GNL1: variants seen among roughly 807,000 people sequenced by gnomAD.
GNL1 encodes G protein nucleolar 1, also known as guanine nucleotide-binding protein-like 1.
A neutral mutation model predicts 75.2 loss-of-function variants in GNL1; 21 were observed. That is an observed-to-expected ratio of 0.28 (90% CI 0.20 to 0.40). The LOEUF (loss-of-function observed/expected upper bound fraction) is 0.40. Among genes scored for constraint, GNL1 ranks in the 10% least tolerant of loss-of-function variants. The pLI is 1.00. For synonymous variants in GNL1, 287 were observed against 303.4 expected, an observed-to-expected ratio of 0.95 and a Z score of 0.56; for missense variants, 579 against 775.0, an observed-to-expected ratio of 0.75 and a Z score of 3.00.
chr6:30,552,442 C>G lies in GNL1; in HGVS notation c.1099+25G>C. 6.3e-7 allele frequency: 1 copy of G among 1,591,866 alleles called. No individual in the cohort carries two copies. The highest frequency in any genetic ancestry group is 8.6e-7 in the Non-Finnish European group (1 of 1,163,128). On this transcript the variant is annotated intron_variant, in intron 8 of 11. Transcript: ENST00000376621. The surrounding 1 kb of genome is among the most constrained non-coding windows in gnomAD (Gnocchi z 4.5). ...AACTCTGTACCTCCTTGGAGGCCAC[C>G]ACGCACAAGCTGCCACTTCCTTACC...
Position 30,546,300 on chromosome 6 carries a change from G to A in GNL1, c.1596C>T (p.Ser532=). The A allele has an allele frequency of 1.3e-6, 2 of 1,593,172 alleles. No homozygotes were observed. The highest frequency in any genetic ancestry group is 1.7e-6 in the Non-Finnish European group (2 of 1,170,632). ...CCACCAGCTCCGTGGTCTCTGGATGGGACTCCCAGGTGCCTGGGGAACCAA... is the reference window on the plus strand; with the variant it reads ...CCACCAGCTCCGTGGTCTCTGGATGAGACTCCCAGGTGCCTGGGGAACCAA... ...GYSEQKGTWE[S]HPETTELVVL... is the part of the protein sequence containing the mutation. The change falls in exon 12 of 12, where the codon TCC becomes TCT. Residue 532 remains serine, a synonymous_variant. Coordinates refer to ENST00000376621, the MANE Select transcript of GNL1 (RefSeq NM_005275.5). The surrounding 1 kb of genome is among the most constrained non-coding windows in gnomAD (Gnocchi z 5.1).
Position 30,556,475 on chromosome 6 carries a change from C to T in GNL1, c.-272G>A, listed in dbSNP as rs1800208877. On this transcript the variant is annotated 5_prime_UTR_variant, in exon 1 of 12. Coordinates refer to ENST00000376621, the MANE Select transcript of GNL1 (RefSeq NM_005275.5). The surrounding 1 kb of genome is among the most constrained non-coding windows in gnomAD (Gnocchi z 5.7). ...GAGCCAGTGGCACCGAGAGGGCGCC[C>T]CGGCGGCGAGGAAGGAGGCGCGCGT... The T allele has an allele frequency of 3.6e-6, 2 of 556,150 alleles. No individual in the cohort carries two copies. The highest frequency in any genetic ancestry group is 6.4e-6 in the Non-Finnish European group (2 of 311,744). 34.5% of individuals were successfully genotyped at this position (556,150 alleles called of 1,614,324 possible). A position where few individuals can be genotyped will look rare whatever the true frequency, so the allele number is the denominator to read the frequency against.
chr6:30,555,975 G>A lies in GNL1; in HGVS notation c.73+156C>T. The A allele has an allele frequency of 2.1e-6, 2 of 955,018 alleles. No homozygotes were observed. The highest frequency in any genetic ancestry group is 3.2e-6 in the Non-Finnish European group (2 of 629,916). The allele number at this position is 955,018 out of a possible 1,614,324, so 59.2% of individuals were successfully genotyped here. A position where few individuals can be genotyped will look rare whatever the true frequency, so the allele number is the denominator to read the frequency against. ...CCATCCTTCCCCACCCCTTCCAGAT[G>A]TAGGGGGGGTGGGGGATCCCCTCCG... On this transcript the variant is annotated intron_variant, in intron 1 of 11. Transcript: ENST00000376621. The surrounding 1 kb of genome is among the most constrained non-coding windows in gnomAD (Gnocchi z 4.3).
intron 8 of GNL1, among the ~76,000 whole-genome samples, chr6:30,550,744 G>C (rs969321125): frequency 9.2e-5 from 14 of 152,094 alleles, no homozygotes; most frequent in Non-Finnish European, 8.8e-5. Context: ...CATGATGTGG[G>C]CCCTGGTGAT....
intron 3 of GNL1, 64 bp from the exon 4 acceptor site, chr6:30,554,979 C>G: frequency 1.9e-6 from 3 of 1,608,024 alleles, no homozygotes; most frequent in Admixed American, 1.7e-5. Context: ...ACATCCCAGA[C>G]CCCTCCTTCC....
Position 30,556,426 on chromosome 6 carries a change from G to A in GNL1, c.-223C>T, listed in dbSNP as rs1183169041. 2 of 597,822 alleles carry A rather than the reference G, an allele frequency of 3.3e-6. No individual in the cohort carries two copies. The highest frequency in any genetic ancestry group is 5.9e-6 in the Non-Finnish European group (2 of 338,698). The allele number at this position is 597,822 out of a possible 1,614,324, so 37.0% of individuals were successfully genotyped here. On this transcript the variant is annotated 5_prime_UTR_variant, in exon 1 of 12. Coordinates refer to ENST00000376621, the MANE Select transcript of GNL1 (RefSeq NM_005275.5). The surrounding 1 kb of genome is among the most constrained non-coding windows in gnomAD (Gnocchi z 5.7). The stretch of plus-strand genomic sequence containing the variant: ...TCCAGGAGCGAGGCGAGAGGATGAT[G>A]CGGGGTGGGCTACTGGCACGTGAGA...
chr6:30,555,940 C>T lies in GNL1; in HGVS notation c.73+191G>A. The T allele has an allele frequency of 2.4e-6, 2 of 825,774 alleles. No individual in the cohort carries two copies. Among genetic ancestry groups the T allele is most frequent in the South Asian group, 1.7e-5 (1 of 60,500 alleles). 51.2% of individuals were successfully genotyped at this position (825,774 alleles called of 1,614,324 possible). ...CGTGCTAGCTGGAGGGATTCCCCTCCCCCAACTCTCCATCCTTCCCCACCC... is the reference window on the plus strand; with the variant it reads ...CGTGCTAGCTGGAGGGATTCCCCTCTCCCAACTCTCCATCCTTCCCCACCC... On this transcript the variant is annotated intron_variant, in intron 1 of 11. Transcript: ENST00000376621. This position sits in a 1 kb window ranked among gnomAD's most constrained non-coding sequence, Gnocchi z 4.3.
intron 5 of GNL1, 134 bp downstream of exon 5, chr6:30,554,441 G>A (rs748259267): frequency 7.1e-6 from 5 of 707,694 alleles, no homozygotes; most frequent in East Asian, 2.5e-5. Flanking sequence ...TCCTAACTGC[G>A]GACATCAGCA....
At position 30,545,786 on chromosome 6, in the gene GNL1, A is replaced by G; in HGVS notation, c.*286T>C. 2.3e-6 allele frequency: 1 copy of G among 443,942 alleles called. No individual in the cohort carries two copies. Among genetic ancestry groups the G allele is most frequent in the Non-Finnish European group, 4.0e-6 (1 of 252,466 alleles). The allele number at this position is 443,942 out of a possible 1,614,324, so 27.5% of individuals were successfully genotyped here. A position where few individuals can be genotyped will look rare whatever the true frequency, so the allele number is the denominator to read the frequency against. ...GTAGATAACGGGATTCCTAAGGTGC[A>G]GAGTGGGAGAATGGGTAGAGGAAGC... is the stretch of plus-strand genomic sequence containing the variant. On this transcript the variant is annotated 3_prime_UTR_variant, in exon 12 of 12. Transcript: ENST00000376621.
rs944615700 is a variant in GNL1 at position 30,542,288 on chromosome 6, CCCTT to C, written c.*3780_*3783del. 6 of 151,614 alleles carry C rather than the reference CCCTT, an allele frequency of 4.0e-5. No individual in the cohort carries two copies. Among genetic ancestry groups the C allele is most frequent in the African/African-American group, 7.3e-5 (3 of 41,150 alleles). 9.4% of individuals were successfully genotyped at this position (151,614 alleles called of 1,614,324 possible). A position where few individuals can be genotyped will look rare whatever the true frequency, so the allele number is the denominator to read the frequency against. On this transcript the variant is annotated 3_prime_UTR_variant, in exon 12 of 12. Coordinates refer to ENST00000376621, the MANE Select transcript of GNL1 (RefSeq NM_005275.5). The surrounding 1 kb of genome is among the most constrained non-coding windows in gnomAD (Gnocchi z 4.5). ...CACCCATCAGCAGCGTTCCACGCCGCCCTTCCTTCCTTCCTTCCTCCCCTAGCTT... is the reference window on the plus strand; with the variant it reads ...CACCCATCAGCAGCGTTCCACGCCGCCCTTCCTTCCTTCCTCCCCTAGCTT...
chr6:30,555,566 G>A lies in GNL1; in HGVS notation c.228C>T (p.Tyr76=), dbSNP rs758432082. 10 of 1,613,062 alleles carry A rather than the reference G, an allele frequency of 6.2e-6. No homozygotes were observed. In the East Asian group the frequency reaches 1.8e-4, roughly 29 times the overall value. ...CCTCCCACCCTCACCGATTTGGGTC[G>A]TAGCCTCGTGGACCCAGCCCCTGAG... ...QPSQGLGPRG[Y]DPNRYRLHFE... The change falls in exon 2 of 12, where the codon TAC becomes TAT. Residue 76 remains tyrosine (Y), a synonymous_variant. Coordinates refer to ENST00000376621, the MANE Select transcript of GNL1 (RefSeq NM_005275.5). This position sits in a 1 kb window ranked among gnomAD's most constrained non-coding sequence, Gnocchi z 4.3.
intron 8 of GNL1, among the ~76,000 whole-genome samples, chr6:30,551,305 G>C (rs1436840335): frequency 6.6e-6 from 1 of 152,148 alleles, no homozygotes; most frequent in Admixed American, 6.5e-5. Flanking sequence ...AGTCAGGGAA[G>C]GGACAGCCGG....
Position 30,546,333 on chromosome 6 carries a change from A to G in GNL1, c.1583-20T>C, listed in dbSNP as rs770759412. On this transcript the variant is annotated intron_variant, in intron 11 of 11. Transcript: ENST00000376621. The surrounding 1 kb of genome is among the most constrained non-coding windows in gnomAD (Gnocchi z 5.1). ...AGGTGCCTGGGGAACCAAAACAAGAAAAAAATGGAGGAGAGTTTTGAGCAA... is the reference window on the plus strand; with the variant it reads ...AGGTGCCTGGGGAACCAAAACAAGAGAAAAATGGAGGAGAGTTTTGAGCAA... The G allele has an allele frequency of 2.6e-6, 4 of 1,536,536 alleles. No individual in the cohort carries two copies. In the Admixed American group the frequency reaches 7.2e-5, roughly 28 times the overall value.
intron 8 of GNL1, among the ~76,000 whole-genome samples, chr6:30,550,749 G>A (rs114841294): frequency 6.2e-4 from 95 of 152,256 alleles, no homozygotes; most frequent in Non-Finnish European, 1.1e-3. Flanking sequence ...TGTGGGCCCT[G>A]GTGATCTTGC....
rs1305802616 is a variant in GNL1 at position 30,553,576 on chromosome 6, G to A, written c.601-19C>T. 6.4e-7 allele frequency: 1 copy of A among 1,573,994 alleles called. No homozygotes were observed. Among genetic ancestry groups the A allele is most frequent in the Admixed American group, 1.7e-5 (1 of 59,976 alleles). ...TCACAACCTAGGACAGAGTTGATAAGAGGATGGAGCAGTGAAAGTCAACCC... is the reference window on the plus strand; with the variant it reads ...TCACAACCTAGGACAGAGTTGATAAAAGGATGGAGCAGTGAAAGTCAACCC... On this transcript the variant is annotated intron_variant, in intron 5 of 11. Coordinates refer to ENST00000376621, the MANE Select transcript of GNL1 (RefSeq NM_005275.5).
In GNL1 at chr6:30,556,313, G is replaced by A; in HGVS notation, c.-110C>T. The A allele has an allele frequency of 2.4e-6, 3 of 1,272,660 alleles. No individual in the cohort carries two copies. Among genetic ancestry groups the A allele is most frequent in the Non-Finnish European group, 3.3e-6 (3 of 901,946 alleles). 78.8% of individuals were successfully genotyped at this position (1,272,660 alleles called of 1,614,324 possible). On this transcript the variant is annotated 5_prime_UTR_variant, in exon 1 of 12. Coordinates refer to ENST00000376621, the MANE Select transcript of GNL1 (RefSeq NM_005275.5). The surrounding 1 kb of genome is among the most constrained non-coding windows in gnomAD (Gnocchi z 5.7). ...GGCCCGGGACCCTAGAGGAGGCGGG[G>A]CTAGCAGGTGACGTCAGCGGGCGGG...
Position 30,555,162 on chromosome 6 carries a change from C to T in GNL1, c.269G>A (p.Arg90Lys). The T allele has an allele frequency of 6.2e-7, 1 of 1,613,072 alleles. No homozygotes were observed. The highest frequency in any genetic ancestry group is 8.5e-7 in the Non-Finnish European group (1 of 1,180,034). The change falls in exon 3 of 12, where the codon AGG becomes AAG. Residue 90 changes from arginine to lysine, a missense_variant. Coordinates refer to ENST00000376621, the MANE Select transcript of GNL1 (RefSeq NM_005275.5). This position sits in a 1 kb window ranked among gnomAD's most constrained non-coding sequence, Gnocchi z 4.3. ...RYRLHFERDS[R>K]EEVERRKRAA... ...TCTCTTTCTCCTCTCTACCTCCTCC[C>T]TGCTGTCTCTCTCAAAATGCAGTCG...
At chr6:30,553,224 T>C in intron 6 of GNL1, 45 bp from the exon 7 acceptor site, 1 of 1,482,788 alleles carries the variant, frequency 6.7e-7, no homozygotes, top group African/African-American at 1.4e-5. Context: ...GGCTTAGGCC[T>C]CTCATCTCTC....
rs766228146 is a variant in GNL1, at chr6:30,554,941, T to G, written c.377-26A>C. 3.1e-6 allele frequency: 5 copies of G among 1,612,440 alleles called. No homozygotes were observed. The East Asian group carries it at 1.1e-4, about 36-fold the overall frequency. ...CTGGGAATTCAGGAAAAAGTCCAAG[T>G]GTGAGGAAATCTTCAGGATTCAAGA... On this transcript the variant is annotated intron_variant, in intron 3 of 11. Coordinates refer to ENST00000376621, the MANE Select transcript of GNL1 (RefSeq NM_005275.5).
Sources: gnomAD v4.1 joint callset for allele counts (sites outside exome capture counted in the v4.1 genomes callset) on GRCh38, gnomAD v4.1.1 for gene constraint, Gnocchi (gnomAD v3.1) non-coding constraint, MANE v1.5 for transcripts, NCBI Gene and HGNC (gene_info 2026-07-23, HGNC 2026-07-21) for gene names.